Variants in OXCT1 observed in about 807,000 individuals in gnomAD.
OXCT1 encodes succinyl-CoA:3-ketoacid coenzyme A transferase 1, mitochondrial.
OXCT1 carries 27 observed loss-of-function variants against 69.6 expected under a neutral mutation model. The ratio of observed to expected loss-of-function variants is 0.39; its 90% CI spans 0.29 to 0.54. The LOEUF (loss-of-function observed/expected upper bound fraction) is 0.54. Ranked by LOEUF, OXCT1 falls within the 20% of genes least tolerant of loss-of-function variation. OXCT1 has a pLI of 0.72. For missense variants in OXCT1, 437 were observed against 650.2 expected (o/e 0.67, Z 3.57); for synonymous variants, 202 against 217.8 (o/e 0.93, Z 0.64).
chr5:41,741,753 G>C (rs1390623932), intron 15 of OXCT1, among the ~76,000 whole-genome samples: 3 of 152,188 alleles, frequency 2.0e-5, no homozygotes, highest in Non-Finnish European at 4.4e-5. Context: ...GGGTTGAAAT[G>C]TAAGACAAAA....
At chr5:41,817,336 T>G (rs1747299053) in intron 7 of OXCT1, among the ~76,000 whole-genome samples, 1 of 152,222 alleles carries the variant, frequency 6.6e-6, no homozygotes, top group Admixed American at 6.5e-5. Context: ...TGTTCTTACA[T>G]GAATCACCTA....
At chr5:41,744,047 T>A (rs1003741770) in intron 15 of OXCT1, among the ~76,000 whole-genome samples, 1 of 152,168 alleles carries the variant, frequency 6.6e-6, no homozygotes, top group African/African-American at 2.4e-5. Flanking sequence ...GGGGATAGCA[T>A]TGAATCTATA....
intron 7 of OXCT1, among the ~76,000 whole-genome samples, chr5:41,824,487 A>G (rs1747710192): frequency 6.6e-6 from 1 of 152,138 alleles, no homozygotes; most frequent in African/African-American, 2.4e-5. Flanking sequence ...TTTCCATTCC[A>G]TTTTCCTATC....
chr5:41,866,073 T>C (rs1356377522), intron 1 of OXCT1, among the ~76,000 whole-genome samples: 1 of 146,028 alleles, frequency 6.8e-6, no homozygotes, highest in Admixed American at 6.9e-5. Context: ...TGTATGTATA[T>C]AACATATTCT....
intron 3 of OXCT1, among the ~76,000 whole-genome samples, chr5:41,854,722 C>G (rs1186741775): frequency 6.6e-6 from 1 of 151,298 alleles, no homozygotes; most frequent in African/African-American, 2.4e-5. Flanking sequence ...CTTTTAATGG[C>G]AAAAAGTATG....
chr5:41,785,869 C>T (rs571395603), intron 13 of OXCT1, among the ~76,000 whole-genome samples: 93 of 152,276 alleles, frequency 6.1e-4, no homozygotes, highest in African/African-American at 2.2e-3. Flanking sequence ...TAAGGGTATG[C>T]CTGCTGCTCA....
At chr5:41,768,621 T>A (rs1328370689) in intron 13 of OXCT1, among the ~76,000 whole-genome samples, 1 of 152,092 alleles carries the variant, frequency 6.6e-6, no homozygotes, top group Non-Finnish European at 1.5e-5. Context: ...ATCCAATCAG[T>A]CGCTCAACTA....
At chr5:41,831,072 C>A (rs1748073280) in intron 7 of OXCT1, among the ~76,000 whole-genome samples, 1 of 152,200 alleles carries the variant, frequency 6.6e-6, no homozygotes, top group Admixed American at 6.5e-5. Flanking sequence ...GAATTATTAA[C>A]ACAAAGCTCT....
rs771806298 is a variant in OXCT1, at chr5:41,842,758, G to T, written c.588C>A (p.His196Gln). Residue 196 changes from histidine to glutamine, a missense_variant, in exon 6 of 17, where the codon CAC becomes CAA. Around this residue, in one of 4 missense-constraint regions of OXCT1, gnomAD observed 252 missense variants for 397.4 expected, o/e 0.63. Coordinates refer to ENST00000196371, the MANE Select transcript of OXCT1 (RefSeq NM_000436.4). ...CTGTAATTGCTTCCTCCAAAATAAA[G>T]TGCTGACCATTGAACTCCCTCACCT... ...PREVREFNGQ[H>Q]FILEEAITGD... The T allele has an allele frequency of 6.2e-7, 1 of 1,613,472 alleles. No homozygotes were observed. Among genetic ancestry groups the T allele is most frequent in the South Asian group, 1.1e-5 (1 of 91,076 alleles).
intron 7 of OXCT1, among the ~76,000 whole-genome samples, chr5:41,808,933 T>G (rs1746822066): frequency 6.6e-6 from 1 of 152,068 alleles, no homozygotes; most frequent in Non-Finnish European, 1.5e-5. Flanking sequence ...AGGATAGACA[T>G]GAAGATTTAT....
At chr5:41,854,601 A>C (rs1288681846) in intron 3 of OXCT1, among the ~76,000 whole-genome samples, 4 of 152,142 alleles carry the variant, frequency 2.6e-5, no homozygotes, top group African/African-American at 9.7e-5. Flanking sequence ...TTTAATGACA[A>C]AATTTTTTTT....
At chr5:41,732,833 CATA>C (rs1348018334) in intron 16 of OXCT1, among the ~76,000 whole-genome samples, 2 of 152,152 alleles carry the variant, frequency 1.3e-5, no homozygotes, top group Non-Finnish European at 2.9e-5. Flanking sequence ...ATTTGGCTTT[CATA>C]AGGTTAAATA....
intron 6 of OXCT1, among the ~76,000 whole-genome samples, chr5:41,841,949 G>A (rs928757750): frequency 7.2e-5 from 11 of 152,052 alleles, no homozygotes; most frequent in East Asian, 3.8e-4. Flanking sequence ...ATTGTTAATC[G>A]AAAGCAGCAA....
At chr5:41,839,863 T>A (rs530851957) in intron 7 of OXCT1, among the ~76,000 whole-genome samples, 1 of 152,344 alleles carries the variant, frequency 6.6e-6, no homozygotes, top group Admixed American at 6.5e-5. Flanking sequence ...TGAAGTCTTC[T>A]TTGAGGTTCA....
chr5:41,814,496 C>T (rs571015274), intron 7 of OXCT1, among the ~76,000 whole-genome samples: 1 of 151,958 alleles, frequency 6.6e-6, no homozygotes, highest in East Asian at 1.9e-4. Flanking sequence ...TAATGATAGA[C>T]TGGATTAAGA....
At chr5:41,814,528 T>C (rs1036936880) in intron 7 of OXCT1, among the ~76,000 whole-genome samples, 10 of 152,108 alleles carry the variant, frequency 6.6e-5, no homozygotes, top group African/African-American at 1.4e-4. Flanking sequence ...ATATACACCA[T>C]GGAATACTAT....
intron 11 of OXCT1, among the ~76,000 whole-genome samples, chr5:41,799,294 G>T (rs1361783209): frequency 2.6e-5 from 4 of 152,150 alleles, no homozygotes; most frequent in African/African-American, 7.2e-5. Context: ...CCAGCTTAAA[G>T]TATTTCCTAA....
chr5:41,750,146 T>TG (rs922521176), intron 14 of OXCT1, among the ~76,000 whole-genome samples: 1 of 149,300 alleles, frequency 6.7e-6, no homozygotes, highest in Non-Finnish European at 1.5e-5. Flanking sequence ...TTTTTTTTTT[T>TG]TTTTTTTTTT....
At chr5:41,735,524 T>C (rs1742843745) in intron 16 of OXCT1, among the ~76,000 whole-genome samples, 1 of 152,222 alleles carries the variant, frequency 6.6e-6, no homozygotes, top group Non-Finnish European at 1.5e-5. Flanking sequence ...GTGAATACAC[T>C]TAATATTACT....
Sources: gnomAD v4.1 joint callset for allele counts (sites outside exome capture counted in the v4.1 genomes callset) on GRCh38, gnomAD v4.1.1 for gene constraint, gnomAD v4.1.1 regional missense constraint, MANE v1.5 for transcripts, NCBI Gene and HGNC (gene_info 2026-07-23, HGNC 2026-07-21) for gene names.